Variants in SNX29 observed in about 807,000 individuals in gnomAD.
SNX29 encodes sorting nexin 29, also known as sorting nexin-29.
SNX29 carries 78 observed loss-of-function variants against 102.1 expected under a neutral mutation model. The ratio of observed to expected loss-of-function variants is 0.76; its 90% CI spans 0.64 to 0.92. SNX29 has a LOEUF of 0.92. SNX29 is among the 40% of genes least tolerant of loss of function. The pLI, the probability that SNX29 is intolerant of heterozygous loss-of-function variation, is 0.00. For synonymous variants in SNX29, 580 were observed against 414.5 expected (o/e 1.40, Z -4.85); for missense variants, 1,280 against 1,061.7 (o/e 1.21, Z -2.86).
rs1398269165 is a variant in SNX29, at chr16:12,540,803, T to G, written c.2318+15962T>G. Among the ~76,000 whole-genome samples the G allele has an allele frequency of 2.0e-5, 3 of 152,220 alleles. No homozygotes were observed. In the East Asian group the frequency reaches 5.8e-4, roughly 29 times the overall value. ...CAGGTGCTTGAGGACTGCTCAAGGC[T>G]GAGGCATGAGAGAAGGGGCAAAAAG... On this transcript the variant is annotated intron_variant, in intron 20 of 20. Transcript: ENST00000566228.
chr16:12,524,840 G>A lies in SNX29; in HGVS notation c.2317G>A (p.Val773Ile), dbSNP rs781245776. The change falls in exon 20 of 21, where the codon GTC becomes ATC. Residue 773 changes from valine (V) to isoleucine (I), a missense_variant and splice_region_variant. Physicochemically the swap from Val to Ile is conservative, Grantham distance 29. Coordinates refer to ENST00000566228, the MANE Select transcript of SNX29 (RefSeq NM_032167.5). ...CCTCATCCAGCTGATGCCCTTCTTCGTGTAAGTACTGCTCCCACGGACATG... is the reference window on the plus strand; with the variant it reads ...CCTCATCCAGCTGATGCCCTTCTTCATGTAAGTACTGCTCCCACGGACATG... ...ETLIQLMPFF[V>I]DITPPGEPVN... is the part of the protein sequence containing the mutation. The A allele has an allele frequency of 3.7e-5, 60 of 1,612,936 alleles. No homozygotes were observed. The highest frequency in any genetic ancestry group is 4.7e-5 in the Non-Finnish European group (55 of 1,179,494).
At chr16:12,562,196 G>C (rs748002300) in intron 20 of SNX29, among the ~76,000 whole-genome samples, 2 of 152,036 alleles carry the variant, frequency 1.3e-5, no homozygotes, top group African/African-American at 4.8e-5. Flanking sequence ...AGGGTTCACA[G>C]AGGAGTGAAC....
At chr16:12,342,436 G>T (rs1596996784) in intron 15 of SNX29, among the ~76,000 whole-genome samples, 1 of 152,050 alleles carries the variant, frequency 6.6e-6, no homozygotes, top group South Asian at 2.1e-4. Flanking sequence ...CCCGTTCATG[G>T]GACACAGCCA....
intron 15 of SNX29, among the ~76,000 whole-genome samples, chr16:12,345,262 T>C (rs1030990418): frequency 6.6e-6 from 1 of 152,196 alleles, no homozygotes; most frequent in Non-Finnish European, 1.5e-5. Context: ...AGATAGAACA[T>C]GGGTCTGGGC....
At chr16:12,110,875 G>A (rs915135906) in intron 11 of SNX29, among the ~76,000 whole-genome samples, 12 of 151,760 alleles carry the variant, frequency 7.9e-5, no homozygotes, top group African/African-American at 2.9e-4. Context: ...CCAGGCTGGA[G>A]TGCAGTGGTG....
At chr16:12,432,742 A>G (rs1017616126) in intron 18 of SNX29, among the ~76,000 whole-genome samples, 1 of 152,174 alleles carries the variant, frequency 6.6e-6, no homozygotes, top group Non-Finnish European at 1.5e-5. Context: ...GGGAGGGAAA[A>G]AAAGTTGACG....
chr16:12,180,961 C>G (rs746056660), intron 13 of SNX29, among the ~76,000 whole-genome samples: 1 of 152,184 alleles, frequency 6.6e-6, no homozygotes, highest in Non-Finnish European at 1.5e-5. Flanking sequence ...TCCCTCTTCT[C>G]TAATGTCTCG....
chr16:12,226,112 A>G (rs1374756609), intron 14 of SNX29, among the ~76,000 whole-genome samples: 7 of 152,204 alleles, frequency 4.6e-5, no homozygotes, highest in Non-Finnish European at 8.8e-5. Context: ...ATCTTTTCGA[A>G]CTTACATCAT....
rs183504990 is a variant in SNX29 at position 12,573,648 on chromosome 16, C to T, written c.*5019C>T. On this transcript the variant is annotated 3_prime_UTR_variant, in exon 21 of 21. Transcript: ENST00000566228. The stretch of plus-strand genomic sequence containing the variant: ...CCATGAACGGCAAGGGGAACCACCA[C>T]TCATTCACTGTCAGTGTAGGTAAGA... 1 of 222,156 alleles carries T rather than the reference C, an allele frequency of 4.5e-6. No individual in the cohort carries two copies. Among genetic ancestry groups the T allele is most frequent in the Non-Finnish European group, 9.0e-6 (1 of 111,030 alleles). The allele number at this position is 222,156 out of a possible 1,614,324, so 13.8% of individuals were successfully genotyped here.
At chr16:12,276,605 A>G (rs1204103949) in intron 14 of SNX29, among the ~76,000 whole-genome samples, 1 of 152,200 alleles carries the variant, frequency 6.6e-6, no homozygotes, top group Non-Finnish European at 1.5e-5. Context: ...TTCTTGTCCC[A>G]GAACACACAG....
At chr16:12,334,598 G>A (rs1318233396) in intron 15 of SNX29, among the ~76,000 whole-genome samples, 1 of 152,150 alleles carries the variant, frequency 6.6e-6, no homozygotes, top group African/African-American at 2.4e-5. Context: ...GCTGCATATA[G>A]CCCATAGATC....
chr16:12,361,180 G>A (rs758564265), intron 16 of SNX29, among the ~76,000 whole-genome samples: 34 of 152,168 alleles, frequency 2.2e-4, no homozygotes, highest in Non-Finnish European at 3.7e-4. Context: ...AGTGTGAGTG[G>A]GGTAGGTCTT....
chr16:12,257,097 C>G (rs1336838788), intron 14 of SNX29, among the ~76,000 whole-genome samples: 3 of 152,140 alleles, frequency 2.0e-5, no homozygotes, highest in African/African-American at 4.8e-5. Flanking sequence ...TTGCTCATTC[C>G]GTTGTTGACA....
chr16:12,470,971 G>A (rs1042561973), intron 18 of SNX29, among the ~76,000 whole-genome samples: 1 of 152,192 alleles, frequency 6.6e-6, no homozygotes, highest in Non-Finnish European at 1.5e-5. Context: ...AATGTGGGGT[G>A]TCATCCCCAG....
intron 20 of SNX29, among the ~76,000 whole-genome samples, chr16:12,561,797 C>T (rs1318182848): frequency 6.6e-6 from 1 of 152,130 alleles, no homozygotes; most frequent in African/African-American, 2.4e-5. Context: ...CGTGGCCTGG[C>T]AGGGGGCTCA....
intron 14 of SNX29, among the ~76,000 whole-genome samples, chr16:12,259,237 G>GA (rs952243887): frequency 2.6e-4 from 40 of 152,072 alleles, no homozygotes; most frequent in African/African-American, 3.9e-4. Context: ...TCAACGTGGG[G>GA]AAAAAAAATG....
intron 19 of SNX29, among the ~76,000 whole-genome samples, chr16:12,504,024 C>G (rs772112731): frequency 1.3e-5 from 2 of 152,198 alleles, no homozygotes; most frequent in African/African-American, 2.4e-5. Context: ...AGAAGAAACC[C>G]TCTACCACTT....
At chr16:12,119,891 C>T (rs949477197) in intron 11 of SNX29, among the ~76,000 whole-genome samples, 21 of 152,172 alleles carry the variant, frequency 1.4e-4, no homozygotes, top group Admixed American at 5.2e-4. Context: ...TACATGAGAT[C>T]GTGTATTTCA....
chr16:12,428,093 GTTTTA>G (rs920598607), intron 18 of SNX29, among the ~76,000 whole-genome samples: 8 of 152,254 alleles, frequency 5.3e-5, no homozygotes, highest in Non-Finnish European at 7.4e-5. Context: ...AATATTCAGG[GTTTTA>G]TTTTATTTTA....
Sources: gnomAD v4.1 joint callset for allele counts (sites outside exome capture counted in the v4.1 genomes callset) on GRCh38, gnomAD v4.1.1 for gene constraint, MANE v1.5 for transcripts, NCBI Gene and HGNC (gene_info 2026-07-23, HGNC 2026-07-21) for gene names.